The following FGF1 variants were observed in gnomAD, a reference collection of about 807,000 sequenced individuals.
The protein encoded by FGF1 is fibroblast growth factor 1, also known as beta-endothelial cell growth factor.
A neutral mutation model predicts 13.4 loss-of-function variants in FGF1; 9 were observed. The observed-to-expected ratio is 0.67, with a 90% CI of 0.40 to 1.17. The LOEUF (loss-of-function observed/expected upper bound fraction) is 1.17, where lower values mean the gene tolerates loss of function less well. Among genes scored for constraint, FGF1 ranks in the 50% most tolerant of loss-of-function variants. The pLI, the probability that FGF1 is intolerant of heterozygous loss-of-function variation, is 0.01. For synonymous variants in FGF1, 93 were observed against 79.0 expected (o/e 1.18, Z -0.94); for missense variants, 156 against 192.7 (o/e 0.81, Z 1.13).
At chr5:142,680,858 C>G (rs1379128817) in intron 1 of FGF1, 1 of 152,132 alleles carries the variant, frequency 6.6e-6, no homozygotes, top group Non-Finnish European at 1.5e-5. Context: ...CTCTGTGGAC[C>G]AAAGGCAACA....
chr5:142,648,651 T>G (rs1299107028), intron 1 of FGF1, among the ~76,000 whole-genome samples: 3 of 63,476 alleles, frequency 4.7e-5, no homozygotes, highest in African/African-American at 2.1e-4. Context: ...GAACTTAAAG[T>G]ATAATAATAA....
At chr5:142,634,196 A>C (rs1357296908) in intron 1 of FGF1, among the ~76,000 whole-genome samples, 1 of 72,072 alleles carries the variant, frequency 1.4e-5, no homozygotes, top group Non-Finnish European at 2.7e-5. Context: ...CCATCTCAAG[A>C]AAAAAAAAAA....
At chr5:142,661,867 G>A (rs917963262) in intron 1 of FGF1, among the ~76,000 whole-genome samples, 15 of 152,110 alleles carry the variant, frequency 9.9e-5, no homozygotes, top group Admixed American at 1.3e-4. Flanking sequence ...GCAGGGCATG[G>A]TGGCGGTTGC....
At chr5:142,674,691 A>G (rs1055092627) in intron 1 of FGF1, among the ~76,000 whole-genome samples, 7 of 152,272 alleles carry the variant, frequency 4.6e-5, no homozygotes, top group Admixed American at 2.6e-4. Flanking sequence ...ACGACTCCCG[A>G]TTAGTCACCA....
intron 3 of FGF1, among the ~76,000 whole-genome samples, chr5:142,597,112 G>A (rs961453026): frequency 6.6e-6 from 1 of 152,208 alleles, no homozygotes; most frequent in African/African-American, 2.4e-5. Context: ...CCATTTGCAA[G>A]ACTTAGAATG....
chr5:142,630,560 A>G (rs1161207151), intron 1 of FGF1, among the ~76,000 whole-genome samples: 1 of 152,102 alleles, frequency 6.6e-6, no homozygotes, highest in Non-Finnish European at 1.5e-5. Flanking sequence ...CCAAACCCTT[A>G]CCATGGCCTA....
intron 1 of FGF1, among the ~76,000 whole-genome samples, chr5:142,653,252 G>A (rs956287716): frequency 2.6e-5 from 4 of 152,316 alleles, no homozygotes; most frequent in Admixed American, 1.3e-4. Context: ...TCAACCTGGC[G>A]AGGATGACGA....
intron 1 of FGF1, among the ~76,000 whole-genome samples, chr5:142,646,257 C>T (rs1264989018): frequency 7.8e-6 from 1 of 128,998 alleles, no homozygotes; most frequent in African/African-American, 2.9e-5. Context: ...CACTCTGTCA[C>T]CCAGGCTGGA....
intron 1 of FGF1, among the ~76,000 whole-genome samples, chr5:142,632,023 C>T (rs1311649965): frequency 6.6e-6 from 1 of 152,082 alleles, no homozygotes. Context: ...TCAGGTGATC[C>T]ACCCGCCTTG....
chr5:142,687,224 A>G (rs1416934669), upstream of FGF1, among the ~76,000 whole-genome samples: 1 of 152,114 alleles, frequency 6.6e-6, no homozygotes, highest in African/African-American at 2.4e-5. Context: ...AACTAGAAAT[A>G]TGCTCTCCAG....
chr5:142,595,084 C>G lies in FGF1; in HGVS notation c.*206G>C. On this transcript the variant is annotated 3_prime_UTR_variant, in exon 4 of 4. Coordinates refer to ENST00000337706, the MANE Select transcript of FGF1 (RefSeq NM_000800.5). ...TGGCCAGCCAGTTGACTCCTAGAAG[C>G]AATTTGGTCCCTCTGTTCTAAACTG... 2.2e-6 allele frequency: 1 copy of G among 463,740 alleles called. No individual in the cohort carries two copies. The allele number at this position is 463,740 out of a possible 1,614,324, so 28.7% of individuals were successfully genotyped here.
chr5:142,606,218 C>CTCTGTG (rs151219206), intron 2 of FGF1, among the ~76,000 whole-genome samples: 67 of 143,132 alleles, frequency 4.7e-4, no homozygotes, highest in African/African-American at 9.9e-4. Context: ...CTTTCTCTCT[C>CTCTGTG]TGTGTGTGTG....
In FGF1 at chr5:142,595,038, G is replaced by A. The variant is rs901935697; in HGVS notation, c.*252C>T. The A allele has an allele frequency of 2.4e-5, 10 of 409,450 alleles. No homozygotes were observed. Among genetic ancestry groups the A allele is most frequent in the African/African-American group, 2.0e-4 (10 of 49,254 alleles). The allele number at this position is 409,450 out of a possible 1,614,324, so 25.4% of individuals were successfully genotyped here. A position where few individuals can be genotyped will look rare whatever the true frequency, so the allele number is the denominator to read the frequency against. ...ACTCAGCCTGCAAGAGGCAATTGGA[G>A]ATCCAAACCCAGACCCAGACTGGCC... On this transcript the variant is annotated 3_prime_UTR_variant, in exon 4 of 4. Coordinates refer to ENST00000337706, the MANE Select transcript of FGF1 (RefSeq NM_000800.5).
chr5:142,621,790 A>T lies in FGF1; in HGVS notation c.-34-7629T>A, dbSNP rs556276684. Among the ~76,000 whole-genome samples the T allele has an allele frequency of 2.6e-5, 4 of 151,584 alleles. No homozygotes were observed. The East Asian group carries it at 7.8e-4, about 29-fold the overall frequency. On this transcript the variant is annotated intron_variant, in intron 1 of 3. Coordinates refer to ENST00000337706, the MANE Select transcript of FGF1 (RefSeq NM_000800.5). ...ACGTCTCCCTCCAAACTTGCCTTCCATTTTCTGATTCCCCCCACCCTAGGA... is the reference window on the plus strand; with the variant it reads ...ACGTCTCCCTCCAAACTTGCCTTCCTTTTTCTGATTCCCCCCACCCTAGGA...
chr5:142,655,713 G>T (rs930298375), intron 1 of FGF1, among the ~76,000 whole-genome samples: 3 of 152,232 alleles, frequency 2.0e-5, no homozygotes, highest in Non-Finnish European at 4.4e-5. Context: ...TATTGAGAAA[G>T]AACATCTTGG....
chr5:142,690,872 CCT>C (rs1387229611), upstream of FGF1, among the ~76,000 whole-genome samples: 1 of 152,232 alleles, frequency 6.6e-6, no homozygotes, highest in African/African-American at 2.4e-5. Flanking sequence ...GTCACCTGCT[CCT>C]CATAACGGGC....
At chr5:142,693,436 C>T (rs1053259579) in intron 2 of FGF1, among the ~76,000 whole-genome samples, 6 of 152,154 alleles carry the variant, frequency 3.9e-5, no homozygotes, top group African/African-American at 1.2e-4. Flanking sequence ...GGATTACAGG[C>T]GTGCGCCACC....
chr5:142,682,141 A>C (rs563024840), intron 1 of FGF1, among the ~76,000 whole-genome samples: 1 of 150,584 alleles, frequency 6.6e-6, no homozygotes. Flanking sequence ...GCTGGAGCGC[A>C]ATGGCGCGAT....
At chr5:142,652,042 C>T (rs1057275663) in intron 1 of FGF1, among the ~76,000 whole-genome samples, 7 of 152,084 alleles carry the variant, frequency 4.6e-5, no homozygotes, top group Admixed American at 6.5e-5. Flanking sequence ...CCTTTCTGAA[C>T]GCTGCAATGG....
Sources: gnomAD v4.1 joint callset for allele counts (sites outside exome capture counted in the v4.1 genomes callset) on GRCh38, gnomAD v4.1.1 for gene constraint, MANE v1.5 for transcripts, NCBI Gene and HGNC (gene_info 2026-07-23, HGNC 2026-07-21) for gene names.